GPC4: variants seen among roughly 807,000 people sequenced by gnomAD.
The protein encoded by GPC4 is glypican-4.
GPC4 carries 10 observed loss-of-function variants against 35.0 expected under a neutral mutation model. The ratio of observed to expected loss-of-function variants is 0.29; its 90% CI spans 0.18 to 0.48. The LOEUF (loss-of-function observed/expected upper bound fraction) is 0.48. Ranked by LOEUF, GPC4 falls within the 20% of genes least tolerant of loss-of-function variation. GPC4 has a pLI of 0.99. For missense variants in GPC4, 322 were observed against 451.3 expected, an observed-to-expected ratio of 0.71 and a Z score of 2.60; for synonymous variants, 167 against 170.2, an observed-to-expected ratio of 0.98 and a Z score of 0.15.
At position 133,407,082 on chromosome X, in the gene GPC4, A is replaced by AT. The variant is rs199830064; in HGVS notation, c.160+7723_160+7724insA. On this transcript the variant is annotated intron_variant, in intron 1 of 8. Transcript: ENST00000370828. ...CAAGAGCAAGACTCCATCTCAAAAA[A>AT]AAAAAATACACACACACACACACAC... Among the ~76,000 whole-genome samples the AT allele has an allele frequency of 9.7e-3, 1,059 of 108,845 alleles. 14 individuals are homozygous for AT. The highest frequency in any genetic ancestry group is 0.035 in the African/African-American group (1,018 of 29,133). 94.5% of individuals were successfully genotyped at this position (108,845 alleles called of 115,157 possible).
At chrX:133,342,522 A>G (rs894748408) in intron 1 of GPC4, among the ~76,000 whole-genome samples, 1 of 111,670 alleles carries the variant, frequency 9.0e-6, no homozygotes, top group Non-Finnish European at 1.9e-5. Flanking sequence ...ACTTTGGGCC[A>G]TATAGCCCCG....
intron 3 of GPC4, among the ~76,000 whole-genome samples, chrX:133,320,966 CAGG>C (rs1403414831): frequency 9.0e-6 from 1 of 111,573 alleles, no homozygotes; most frequent in Non-Finnish European, 1.9e-5. Flanking sequence ...TGCTGGAGCC[CAGG>C]AGATCAAGGC....
chrX:133,370,926 T>G (rs2068610200), intron 1 of GPC4, among the ~76,000 whole-genome samples: 1 of 112,055 alleles, frequency 8.9e-6, no homozygotes, highest in Admixed American at 9.5e-5. Flanking sequence ...CAAGAAAACT[T>G]TATTAGCTAT....
At chrX:133,389,514 G>A (rs1320843425) in intron 1 of GPC4, among the ~76,000 whole-genome samples, 2 of 111,848 alleles carry the variant, frequency 1.8e-5, no homozygotes, top group Admixed American at 1.9e-4. Flanking sequence ...AGATGAGAAG[G>A]ACTGTTAATC....
chrX:133,370,886 T>C (rs757608379), intron 1 of GPC4, among the ~76,000 whole-genome samples: 23 of 111,870 alleles, frequency 2.1e-4, no homozygotes, highest in Admixed American at 1.3e-3. Flanking sequence ...AATTACTCTG[T>C]GAAGTGAAGC....
rs181252425 is a variant in GPC4 at position 133,394,347 on chromosome X, C to A, written c.160+20459G>T. On this transcript the variant is annotated intron_variant, in intron 1 of 8. Coordinates refer to ENST00000370828, the MANE Select transcript of GPC4 (RefSeq NM_001448.3). ...TGATATGTAAAACATACCTAAGTTA[C>A]TCTTATCACTACTGTTATTCTATCA... Among the ~76,000 whole-genome samples the A allele has an allele frequency of 3.7e-3, 408 of 110,530 alleles. 3 individuals are homozygous for A. The highest frequency in any genetic ancestry group is 0.033 in the Middle Eastern group (7 of 209).
At chrX:133,314,460 G>A (rs1039139300) in intron 3 of GPC4, among the ~76,000 whole-genome samples, 2 of 111,351 alleles carry the variant, frequency 1.8e-5, no homozygotes, top group African/African-American at 6.5e-5. Flanking sequence ...ATGATGCTGA[G>A]TTTGGCAGAG....
rs779239253 is a variant in GPC4 at position 133,414,730 on chromosome X, G to A, written c.160+76C>T. 4.8e-3 allele frequency: 5,482 copies of A among 1,140,893 alleles called. 11 individuals are homozygous for A. The highest frequency in any genetic ancestry group is 5.0e-3 in the Non-Finnish European group (4,329 of 860,902). 94.0% of individuals were successfully genotyped at this position (1,140,893 alleles called of 1,213,427 possible). Reference sequence around the variant, plus strand: ...CTGCGTCCGGCGCAGGGGGCGGCGGGGCGGGGGAAGGGAGTTGCAGCCTCC... The same window carrying A: ...CTGCGTCCGGCGCAGGGGGCGGCGGAGCGGGGGAAGGGAGTTGCAGCCTCC... On this transcript the variant is annotated intron_variant, in intron 1 of 8. Transcript: ENST00000370828.
In GPC4 at chrX:133,303,188, G is replaced by A. The variant is rs756583263; in HGVS notation, c.1446C>T (p.Asn482=). ...TSKMKNAYNG[N]DVDFFDISDE... ...TACTGATATCAAAGAAGTCCACGTC[G>A]TTCCCATTGTATGCATTCTTCATCT... is the stretch of plus-strand genomic sequence containing the variant. The change falls in exon 8 of 9, where the codon AAC becomes AAT. Residue 482 remains asparagine, a synonymous_variant. Transcript: ENST00000370828. 20 of 1,209,721 alleles carry A rather than the reference G, an allele frequency of 1.7e-5. No individual in the cohort carries two copies. Among genetic ancestry groups the A allele is most frequent in the South Asian group, 3.5e-5 (2 of 56,699 alleles).
intron 4 of GPC4, among the ~76,000 whole-genome samples, chrX:133,310,503 T>C (rs60527266): frequency 0.018 from 1,985 of 111,562 alleles, 48 homozygotes; most frequent in African/African-American, 0.062. Flanking sequence ...TACATTGCTG[T>C]CTGGGTTCTG....
intron 1 of GPC4, among the ~76,000 whole-genome samples, chrX:133,358,133 C>G (rs1363018822): frequency 1.8e-5 from 2 of 111,954 alleles, no homozygotes; most frequent in Non-Finnish European, 3.8e-5. Flanking sequence ...TTTTCTTTAG[C>G]TTTTGAAATG....
rs1055726217 is a variant in GPC4, at chrX:133,329,560, C to A, written c.320-5024G>T. ...CAGACATCTATGAGGGTGGGAGTGA[C>A]TGCTGGGTGAAAAATAGGGAATGGG... On this transcript the variant is annotated intron_variant, in intron 2 of 8. Coordinates refer to ENST00000370828, the MANE Select transcript of GPC4 (RefSeq NM_001448.3). Among the ~76,000 whole-genome samples the A allele has an allele frequency of 4.5e-5, 5 of 111,310 alleles. No individual in the cohort carries two copies. The Admixed American group carries it at 4.8e-4, about 11-fold the overall frequency.
chrX:133,376,723 CT>C (rs1362089984), intron 1 of GPC4, among the ~76,000 whole-genome samples: 2 of 112,199 alleles, frequency 1.8e-5, no homozygotes, highest in African/African-American at 6.5e-5. Context: ...TCCCCTTGCA[CT>C]TGTGAGCTGG....
intron 3 of GPC4, among the ~76,000 whole-genome samples, chrX:133,321,832 T>C (rs1316824893): frequency 9.0e-6 from 1 of 111,593 alleles, no homozygotes; most frequent in Non-Finnish European, 1.9e-5. Flanking sequence ...TCCACCCTCA[T>C]ATGCCCCAAT....
intron 2 of GPC4, among the ~76,000 whole-genome samples, chrX:133,328,290 A>G (rs2068403538): frequency 9.0e-6 from 1 of 111,458 alleles, no homozygotes; most frequent in Non-Finnish European, 1.9e-5. Flanking sequence ...GCTTGGGACT[A>G]TTCTACCTAT....
At chrX:133,358,673 G>A (rs1025363259) in intron 1 of GPC4, among the ~76,000 whole-genome samples, 7 of 112,010 alleles carry the variant, frequency 6.2e-5, no homozygotes, top group African/African-American at 2.3e-4. Context: ...GGAAATGACA[G>A]CTCTCTGTAC....
Position 133,304,711 on chromosome X carries a change from CAACA to C in GPC4, c.1292+10_1292+13del, listed in dbSNP as rs1569340263. On this transcript the variant is annotated intron_variant, in intron 7 of 8. Coordinates refer to ENST00000370828, the MANE Select transcript of GPC4 (RefSeq NM_001448.3). The stretch of plus-strand genomic sequence containing the variant: ...GGAAGGGAGAAACTTCAAATTCATT[CAACA>C]GACACTAACCTGCTTTTGCCTTTCC... 7 of 1,210,385 alleles carry C rather than the reference CAACA, an allele frequency of 5.8e-6. No homozygotes were observed. The South Asian group carries it at 1.2e-4, about 21-fold the overall frequency.
chrX:133,375,851 G>A (rs914524727), intron 1 of GPC4, among the ~76,000 whole-genome samples: 3 of 112,062 alleles, frequency 2.7e-5, no homozygotes, highest in African/African-American at 9.7e-5. Flanking sequence ...ATATGTTACT[G>A]GTCCTGATAC....
At chrX:133,322,055 C>G (rs987307190) in intron 3 of GPC4, among the ~76,000 whole-genome samples, 1 of 111,799 alleles carries the variant, frequency 8.9e-6, no homozygotes, top group African/African-American at 3.3e-5. Flanking sequence ...TCTTTAGAAT[C>G]TTTATCCTCA....
Sources: allele counts gnomAD v4.1 joint callset (sites outside exome capture counted in the v4.1 genomes callset), GRCh38; gene constraint gnomAD v4.1.1; transcripts MANE v1.5; gene names NCBI Gene and HGNC (gene_info 2026-07-23, HGNC 2026-07-21).